CFAP54: variants seen among roughly 807,000 people sequenced by gnomAD.
CFAP54 encodes the protein cilia and flagella associated protein 54.
CFAP54 carries 290 observed loss-of-function variants against 370.4 expected under a neutral mutation model. That is an observed-to-expected ratio of 0.78 (90% CI 0.71 to 0.86). The LOEUF (loss-of-function observed/expected upper bound fraction) is 0.86, where lower values mean the gene tolerates loss of function less well. Ranked by LOEUF, CFAP54 falls within the 40% of genes least tolerant of loss-of-function variation. CFAP54 has a pLI of 0.00. For missense variants in CFAP54, 3,399 were observed against 3,528.7 expected (o/e 0.96, Z 0.93); for synonymous variants, 1,206 against 1,236.5 (o/e 0.98, Z 0.52).
intron 36 of CFAP54, among the ~76,000 whole-genome samples, chr12:96,655,511 GC>G (rs1956911894): frequency 1.3e-5 from 2 of 152,064 alleles, no homozygotes; most frequent in Non-Finnish European, 2.9e-5. Context: ...GAGTACACTT[GC>G]CAAAAAACAG....
In CFAP54 at chr12:96,564,563, A is replaced by G; in HGVS notation, c.2497+9A>G. ...CACTGATTGTTTTACAGGTAATTAA[A>G]ATTGGGATAACTGGTATTTCCAAAA... is the stretch of plus-strand genomic sequence containing the variant. On this transcript the variant is annotated intron_variant, in intron 18 of 67. Transcript: ENST00000524981. 1.5e-6 allele frequency: 1 copy of G among 684,728 alleles called. No homozygotes were observed. Among genetic ancestry groups the G allele is most frequent in the Non-Finnish European group, 2.6e-6 (1 of 378,204 alleles). The allele number at this position is 684,728 out of a possible 1,614,324, so 42.4% of individuals were successfully genotyped here.
At chr12:96,834,958 C>G (rs1959181491) in intron 66 of CFAP54, among the ~76,000 whole-genome samples, 1 of 152,052 alleles carries the variant, frequency 6.6e-6, no homozygotes. Flanking sequence ...CCAGGGTGTC[C>G]CAATGAGTGT....
intron 32 of CFAP54, among the ~76,000 whole-genome samples, chr12:96,638,163 T>C (rs906842710): frequency 1.6e-4 from 24 of 151,076 alleles, no homozygotes; most frequent in African/African-American, 5.8e-4. Context: ...TTAAGTTTTC[T>C]TCTAAATATT....
rs1417578889 is a variant in CFAP54, at chr12:96,534,111, T to C, written c.1589T>C (p.Leu530Pro). 1 of 1,534,394 alleles carries C rather than the reference T, an allele frequency of 6.5e-7. No individual in the cohort carries two copies. The highest frequency in any genetic ancestry group is 2.4e-5 in the East Asian group (1 of 40,862). ...SKKAEKDLTLLIAMEPLINVK... is the reference protein window; with the variant it reads ...SKKAEKDLTLPIAMEPLINVK... ...AAAGCAGAGAAGGATTTAACTCTTCTGATTGCAATGGAACCACTAATCAAC... is the reference window on the plus strand; with the variant it reads ...AAAGCAGAGAAGGATTTAACTCTTCCGATTGCAATGGAACCACTAATCAAC... Residue 530 changes from leucine (L) to proline (P), a missense_variant, in exon 11 of 68, where the codon CTG becomes CCG. By Grantham distance (98) the Leu-to-Pro change is moderately conservative. This residue lies in a region of CFAP54 where 44 missense variants were observed against 82.3 expected (regional missense o/e 0.53). Transcript: ENST00000524981.
chr12:96,765,458 T>A (rs1034495608), intron 60 of CFAP54, among the ~76,000 whole-genome samples: 1 of 152,216 alleles, frequency 6.6e-6, no homozygotes, highest in Admixed American at 6.5e-5. Flanking sequence ...AAAAAAATGA[T>A]ATTTTACATC....
intron 60 of CFAP54, among the ~76,000 whole-genome samples, chr12:96,771,932 G>T (rs766467284): frequency 5.9e-5 from 9 of 152,110 alleles, no homozygotes; most frequent in Non-Finnish European, 1.2e-4. Context: ...TAACATCTTT[G>T]GGTTAGGAAG....
chr12:96,825,057 A>G (rs530570303), intron 65 of CFAP54, among the ~76,000 whole-genome samples: 1 of 149,332 alleles, frequency 6.7e-6, no homozygotes, highest in Non-Finnish European at 1.5e-5. Context: ...CGCGCCCCAC[A>G]ATGCCCTGGT....
chr12:96,698,111 T>C (rs1479453364), intron 45 of CFAP54, among the ~76,000 whole-genome samples: 1 of 152,314 alleles, frequency 6.6e-6, no homozygotes, highest in African/African-American at 2.4e-5. Flanking sequence ...CTTTGTATGT[T>C]GTGTATATCT....
intron 1 of CFAP54, among the ~76,000 whole-genome samples, chr12:96,497,335 T>C (rs1438269771): frequency 1.3e-5 from 2 of 152,170 alleles, no homozygotes; most frequent in Non-Finnish European, 2.9e-5. Context: ...AACACAGCAT[T>C]GAAGGAGAAG....
At chr12:96,656,305 C>A (rs11108620) in intron 36 of CFAP54, among the ~76,000 whole-genome samples, 2 of 151,950 alleles carry the variant, frequency 1.3e-5, no homozygotes, top group Non-Finnish European at 2.9e-5. Flanking sequence ...TTCTCTCCCC[C>A]CCCCTCCCCT....
intron 67 of CFAP54, among the ~76,000 whole-genome samples, chr12:96,866,831 T>C (rs1426321266): frequency 1.3e-5 from 2 of 150,246 alleles, no homozygotes; most frequent in Non-Finnish European, 2.9e-5. Flanking sequence ...TTCTATAGCC[T>C]ATCTAATTAT....
chr12:96,581,612 C>A (rs538781175), intron 22 of CFAP54, among the ~76,000 whole-genome samples: 1 of 152,058 alleles, frequency 6.6e-6, no homozygotes, highest in South Asian at 2.1e-4. Flanking sequence ...GATTGAGAAA[C>A]CCTAATCCAG....
At chr12:96,718,726 C>T (rs922525784) in intron 49 of CFAP54, among the ~76,000 whole-genome samples, 14 of 152,120 alleles carry the variant, frequency 9.2e-5, no homozygotes, top group African/African-American at 2.7e-4. Flanking sequence ...GACTTCACAA[C>T]CTGATTAAGG....
intron 3 of CFAP54, among the ~76,000 whole-genome samples, chr12:96,504,985 C>CT (rs1280871747): frequency 5.6e-5 from 8 of 144,136 alleles, no homozygotes; most frequent in Non-Finnish European, 1.2e-4. Flanking sequence ...CCCTTTCTTT[C>CT]TTCTTTCTTT....
At chr12:96,792,929 A>G (rs564808013) in intron 63 of CFAP54, among the ~76,000 whole-genome samples, 30 of 151,870 alleles carry the variant, frequency 2.0e-4, no homozygotes, top group African/African-American at 7.2e-4. Context: ...TCTGAGATAA[A>G]CTCAAATTGG....
At chr12:96,630,747 C>T (rs1392729592) in intron 32 of CFAP54, 96 bp downstream of exon 32, 2 of 607,294 alleles carry the variant, frequency 3.3e-6, no homozygotes, top group East Asian at 3.3e-5. Flanking sequence ...GTGGACCAGA[C>T]AGGTGAAATC....
chr12:96,524,007 A>G (rs1429898242), intron 8 of CFAP54, among the ~76,000 whole-genome samples: 3 of 151,786 alleles, frequency 2.0e-5, no homozygotes, highest in Admixed American at 6.6e-5. Flanking sequence ...ACGTCATCCT[A>G]TGTTACCTTG....
At chr12:96,829,704 T>G (rs1959165005) in intron 66 of CFAP54, among the ~76,000 whole-genome samples, 1 of 151,484 alleles carries the variant, frequency 6.6e-6, no homozygotes, top group Admixed American at 6.6e-5. Flanking sequence ...ACATTTTTAT[T>G]ATAAAATATA....
At position 96,847,892 on chromosome 12, in the gene CFAP54, G is replaced by A. The variant is rs145610118; in HGVS notation, c.9172-12927G>A. On this transcript the variant is annotated intron_variant, in intron 66 of 67. Transcript: ENST00000524981. ...TGCCAGGCACAGCTGTGGCTCTGTCGTTGTAAAGTGACAATGACAATGGTA... is the reference window on the plus strand; with the variant it reads ...TGCCAGGCACAGCTGTGGCTCTGTCATTGTAAAGTGACAATGACAATGGTA... Among the ~76,000 whole-genome samples the A allele has an allele frequency of 3.5e-3, 529 of 152,274 alleles. 4 individuals carry two copies. Among genetic ancestry groups the A allele is most frequent in the African/African-American group, 0.012 (499 of 41,564 alleles).
Sources: gnomAD v4.1 joint callset for allele counts (sites outside exome capture counted in the v4.1 genomes callset) on GRCh38, gnomAD v4.1.1 for gene constraint, gnomAD v4.1.1 regional missense constraint, MANE v1.5 for transcripts, NCBI Gene and HGNC (gene_info 2026-07-23, HGNC 2026-07-21) for gene names.